Variants in RTN4 observed in about 807,000 individuals in gnomAD.
RTN4 encodes reticulon-4.
Under a neutral mutation model 90.4 loss-of-function variants are expected in RTN4, and 32 were observed. The observed-to-expected ratio is 0.35, with a 90% confidence interval of 0.27 to 0.48. RTN4 has a LOEUF of 0.48. Among genes scored for constraint, RTN4 ranks in the 20% least tolerant of loss-of-function variants. RTN4 has a pLI of 0.99. For missense variants in RTN4, 1,706 were observed against 1,430.2 expected, an observed-to-expected ratio of 1.19 and a Z score of -3.11; for synonymous variants, 629 against 552.5, an observed-to-expected ratio of 1.14 and a Z score of -1.94.
intron 3 of RTN4, among the ~76,000 whole-genome samples, chr2:55,014,126 T>C (rs1041898385): frequency 2.0e-5 from 3 of 152,210 alleles, no homozygotes; most frequent in African/African-American, 7.2e-5. Flanking sequence ...TGCTGTAATA[T>C]AATGCCCTCT....
chr2:55,050,473 G>A (rs1180099898), upstream of RTN4: 4 of 419,372 alleles, frequency 9.5e-6, no homozygotes, highest in Non-Finnish European at 1.7e-5. This position sits in a 1 kb window ranked among gnomAD's most constrained non-coding sequence, Gnocchi z 4.6. Context: ...TCCTGCCTCC[G>A]CGCCGGTGAT....
chr2:54,989,368 C>G (rs996633926), intron 3 of RTN4, among the ~76,000 whole-genome samples: 2 of 152,120 alleles, frequency 1.3e-5, no homozygotes, highest in African/African-American at 4.8e-5. Flanking sequence ...CAAATATTCC[C>G]AAACTTGTTT....
At chr2:54,979,227 G>GTT (rs5831332) in intron 5 of RTN4, among the ~76,000 whole-genome samples, 1 of 147,610 alleles carries the variant, frequency 6.8e-6, no homozygotes. Flanking sequence ...TGATTTTTCA[G>GTT]TTTTTTTTTT....
chr2:55,058,586 G>A (rs1039493984), intron 2 of RTN4, among the ~76,000 whole-genome samples: 2 of 152,136 alleles, frequency 1.3e-5, no homozygotes, highest in African/African-American at 2.4e-5. Context: ...TTCTCTTACT[G>A]TGTTAAGCCT....
chr2:55,066,129 A>G (rs1240712099), intron 2 of RTN4, among the ~76,000 whole-genome samples: 2 of 152,124 alleles, frequency 1.3e-5, no homozygotes, highest in Admixed American at 1.3e-4. Flanking sequence ...TATCAAGTGA[A>G]AAAAGCAATT....
Position 55,050,303 on chromosome 2 carries a change from C to G in RTN4, c.-3G>C, listed in dbSNP as rs1668034331. On this transcript the variant is annotated 5_prime_UTR_variant, in exon 1 of 9. Coordinates refer to ENST00000337526, the MANE Select transcript of RTN4 (RefSeq NM_020532.5). The surrounding 1 kb of genome is among the most constrained non-coding windows in gnomAD (Gnocchi z 4.6). ...GGAGACTGGTCCAGGTCTTCCATGG[C>G]TGGAGGGTGGAGATGATGCTGCAGC... 1 of 1,422,372 alleles carries G rather than the reference C, an allele frequency of 7.0e-7. No individual in the cohort carries two copies. The highest frequency in any genetic ancestry group is 9.2e-7 in the Non-Finnish European group (1 of 1,088,166). 88.1% of individuals were successfully genotyped at this position (1,422,372 alleles called of 1,614,324 possible).
chr2:55,048,299 C>T (rs1044592568), intron 1 of RTN4, among the ~76,000 whole-genome samples: 1 of 152,204 alleles, frequency 6.6e-6, no homozygotes, highest in Non-Finnish European at 1.5e-5. Context: ...TACTGTACAA[C>T]TTACAGACAC....
intron 2 of RTN4, among the ~76,000 whole-genome samples, chr2:55,060,020 C>G (rs973165091): frequency 1.3e-5 from 2 of 152,100 alleles, no homozygotes; most frequent in Non-Finnish European, 2.9e-5. Flanking sequence ...GGGGGAAACT[C>G]TCCTGGAATG....
intron 3 of RTN4, among the ~76,000 whole-genome samples, chr2:54,998,829 TC>T (rs1679645836): frequency 6.6e-6 from 1 of 152,222 alleles, no homozygotes; most frequent in Non-Finnish European, 1.5e-5. Context: ...CTTTAGTGGT[TC>T]CTTATTTTTG....
intron 1 of RTN4, among the ~76,000 whole-genome samples, chr2:55,039,702 C>T (rs564199101): frequency 6.6e-6 from 1 of 152,228 alleles, no homozygotes; most frequent in Admixed American, 6.5e-5. Flanking sequence ...TCACTTGAAC[C>T]CAGGAGGTGG....
Position 55,027,221 on chromosome 2 carries a change from G to C in RTN4, c.878C>G (p.Ser293Ter). Residue 293 changes from serine to a stop codon, truncating the protein, a stop_gained, in exon 3 of 9, where the codon TCA becomes TGA. Transcript: ENST00000337526. LOFTEE classifies it high-confidence loss of function. ...LLIDRDLTEFSELEYSEMGSS... is the reference protein window; with the variant it reads ...LLIDRDLTEF ...TCCCATTTCTGAGTATTCTAATTCT[G>C]AAAACTCTGTTAAATCTCTATCTAT... 1 of 1,613,736 alleles carries C rather than the reference G, an allele frequency of 6.2e-7. No homozygotes were observed. Among genetic ancestry groups the C allele is most frequent in the Non-Finnish European group, 8.5e-7 (1 of 1,179,814 alleles).
At chr2:54,974,058 G>A (rs1573254344) in intron 6 of RTN4, 191 bp from the exon 7 acceptor site, 2 of 533,428 alleles carry the variant, frequency 3.7e-6, no homozygotes, top group Admixed American at 7.2e-5. Context: ...ACTGTGTGAG[G>A]CTGCAGTTAT....
At chr2:55,013,954 C>T (rs1469330951) in intron 3 of RTN4, among the ~76,000 whole-genome samples, 2 of 152,102 alleles carry the variant, frequency 1.3e-5, no homozygotes. Flanking sequence ...TTTATACTTT[C>T]CAGCCACAGA....
At chr2:55,093,050 G>A (rs533201393) in intron 1 of RTN4, among the ~76,000 whole-genome samples, 13 of 152,334 alleles carry the variant, frequency 8.5e-5, no homozygotes, top group South Asian at 4.1e-4. Context: ...GTGTGTGTAC[G>A]TGTGTAAAAT....
chr2:55,063,448 C>T (rs1668335504), intron 2 of RTN4, among the ~76,000 whole-genome samples: 2 of 151,558 alleles, frequency 1.3e-5, no homozygotes, highest in South Asian at 2.1e-4. Context: ...GTAGCTGGAA[C>T]TTAATGACAC....
chr2:55,079,057 G>C (rs1668655613), intron 2 of RTN4, among the ~76,000 whole-genome samples: 1 of 152,240 alleles, frequency 6.6e-6, no homozygotes, highest in Non-Finnish European at 1.5e-5. Flanking sequence ...TTAAGCTGGT[G>C]TCTTGCAAGT....
Position 55,098,166 on chromosome 2 carries a change from G to T in RTN4, c.-214+14354C>A, listed in dbSNP as rs1157867423. 2.0e-5 allele frequency among the ~76,000 whole-genome samples: 3 copies of T among 152,150 alleles called. No homozygotes were observed. The South Asian group carries it at 6.2e-4, about 32-fold the overall frequency. ...TGTTGTCCCATTTTCTTTTTCACCT[G>T]TTAGAGGCAGAAGTATGTCCGGATT... On this transcript the variant is annotated intron_variant, in intron 1 of 3. Coordinates refer to the RTN4 transcript ENST00000427710.
upstream of RTN4, among the ~76,000 whole-genome samples, chr2:55,113,729 C>T (rs1300243513): frequency 6.6e-6 from 1 of 152,166 alleles, no homozygotes; most frequent in African/African-American, 2.4e-5. Flanking sequence ...ACCTATTACT[C>T]CTGTAGAAGG....
At chr2:55,125,705 G>A in the RTN4 span, among the ~76,000 whole-genome samples, 4 of 152,232 alleles carry the variant, frequency 2.6e-5, no homozygotes, top group African/African-American at 9.6e-5. Flanking sequence ...GGCGGAGGTT[G>A]CAGTGAGCCA....
Sources: allele counts gnomAD v4.1 joint callset (sites outside exome capture counted in the v4.1 genomes callset), GRCh38; gene constraint gnomAD v4.1.1; non-coding constraint Gnocchi (gnomAD v3.1); transcripts MANE v1.5; gene names NCBI Gene and HGNC (gene_info 2026-07-23, HGNC 2026-07-21).